Variants in SLCO1A2 observed in about 807,000 individuals in gnomAD.
The protein encoded by SLCO1A2 is solute carrier organic anion transporter family member 1A2.
Under a neutral mutation model 69.0 loss-of-function variants are expected in SLCO1A2, and 67 were observed. That is an observed-to-expected ratio of 0.97 (90% CI 0.80 to 1.19). SLCO1A2 has a LOEUF of 1.19. Ranked by LOEUF, SLCO1A2 falls within the 50% of genes most tolerant of loss-of-function variation. SLCO1A2 has a pLI of 0.00. For synonymous variants in SLCO1A2, 260 were observed against 265.9 expected (o/e 0.98, Z 0.22); for missense variants, 787 against 793.7 (o/e 0.99, Z 0.10).
At chr12:21,371,584 A>T (rs900164740) in intron 2 of SLCO1A2, among the ~76,000 whole-genome samples, 33 of 152,334 alleles carry the variant, frequency 2.2e-4, no homozygotes, top group African/African-American at 7.9e-4. Context: ...GTTTCTAGTT[A>T]GAGAACTTCA....
At chr12:21,407,215 C>G (rs1454388131) in intron 1 of SLCO1A2, among the ~76,000 whole-genome samples, 1 of 152,002 alleles carries the variant, frequency 6.6e-6, no homozygotes, top group Non-Finnish European at 1.5e-5. Context: ...GGAAAAAATA[C>G]GTGAATATCT....
chr12:21,411,863 T>G (rs925544627), intron 1 of SLCO1A2, among the ~76,000 whole-genome samples: 21 of 151,948 alleles, frequency 1.4e-4, no homozygotes, highest in African/African-American at 5.1e-4. Flanking sequence ...TTTTGCATTT[T>G]TTTGTAGAGA....
intron 2 of SLCO1A2, among the ~76,000 whole-genome samples, chr12:21,372,373 A>T (rs1166770289): frequency 2.6e-5 from 4 of 152,156 alleles, no homozygotes; most frequent in African/African-American, 9.7e-5. Flanking sequence ...CCTACCACAG[A>T]GTAGGTCTTC....
chr12:21,274,675 G>A, intron 13 of SLCO1A2, 89 bp from the exon 14 acceptor site: 3 of 913,328 alleles, frequency 3.3e-6, no homozygotes, highest in Non-Finnish European at 5.1e-6. Context: ...TATTTGTACG[G>A]CAAAGTTTAT....
upstream of SLCO1A2, among the ~76,000 whole-genome samples, chr12:21,335,679 AT>A (rs1456940827): frequency 6.6e-6 from 1 of 152,108 alleles, no homozygotes; most frequent in Non-Finnish European, 1.5e-5. Flanking sequence ...AATGGCACTA[AT>A]TTTTTAAAAA....
At position 21,371,061 on chromosome 12, in the gene SLCO1A2, T is replaced by C. The variant is rs193015051; in HGVS notation, c.-63+3338A>G. On this transcript the variant is annotated intron_variant, in intron 2 of 15. Transcript: ENST00000307378. ...AGAGAGTAGCAGCTTACGGCGGTTTTGCAGTCATATTTATACCCACTTTTA... is the reference window on the plus strand; with the variant it reads ...AGAGAGTAGCAGCTTACGGCGGTTTCGCAGTCATATTTATACCCACTTTTA... 2.6e-5 allele frequency among the ~76,000 whole-genome samples: 4 copies of C among 152,346 alleles called. No homozygotes were observed. In the East Asian group the frequency reaches 7.7e-4, roughly 29 times the overall value.
Position 21,269,600 on chromosome 12 carries a change from A to ATATC in SLCO1A2, c.1957_1960dup (p.Ile654ArgfsTer12), listed in dbSNP as rs779448412. ...TTTCAAAACCGTGGACTTTTGGTATATATCTTTGCACTCATTTTCCTTCCC... is the reference window on the plus strand; with the variant it reads ...TTTCAAAACCGTGGACTTTTGGTATATATCTATCTTTGCACTCATTTTCCTTCCC... On this transcript the variant is annotated frameshift_variant, in exon 15 of 15. Coordinates refer to ENST00000683939, the MANE Select transcript of SLCO1A2 (RefSeq NM_001386879.1). LOFTEE classifies it low-confidence loss of function (END_TRUNC). 4.3e-6 allele frequency: 7 copies of ATATC among 1,612,452 alleles called. No homozygotes were observed. Among genetic ancestry groups the ATATC allele is most frequent in the Non-Finnish European group, 5.9e-6 (7 of 1,178,928 alleles).
Position 21,334,841 on chromosome 12 carries a change from T to C in SLCO1A2, c.-77A>G. 1 of 479,546 alleles carries C rather than the reference T, an allele frequency of 2.1e-6. No individual in the cohort carries two copies. The highest frequency in any genetic ancestry group is 3.5e-5 in the East Asian group (1 of 28,788). The allele number at this position is 479,546 out of a possible 1,614,324, so 29.7% of individuals were successfully genotyped here. On this transcript the variant is annotated 5_prime_UTR_variant, in exon 1 of 15. Transcript: ENST00000683939. ...TACAAAAATACCTGGAACGCTTTAA[T>C]ACAGATTAGAAAATCATGGTGTTAG...
At chr12:21,270,524 CCT>C (rs1210228551) in intron 14 of SLCO1A2, among the ~76,000 whole-genome samples, 1 of 151,536 alleles carries the variant, frequency 6.6e-6, no homozygotes, top group Non-Finnish European at 1.5e-5. Flanking sequence ...CAAAATTTTC[CCT>C]TTTTCTGTTT....
intron 1 of SLCO1A2, among the ~76,000 whole-genome samples, chr12:21,412,334 T>C (rs1179603546): frequency 6.6e-6 from 1 of 151,628 alleles, no homozygotes; most frequent in Non-Finnish European, 1.5e-5. Context: ...TGAGCCGAGA[T>C]TGCACCACTA....
At chr12:21,322,702 GT>G (rs1565498480) in intron 2 of SLCO1A2, among the ~76,000 whole-genome samples, 1 of 152,108 alleles carries the variant, frequency 6.6e-6, no homozygotes, top group Non-Finnish European at 1.5e-5. Flanking sequence ...GTTCTGGTTG[GT>G]TTTTTCCTGA....
chr12:21,376,360 G>T, intron 1 of SLCO1A2: 1 of 354,790 alleles, frequency 2.8e-6, no homozygotes, highest in South Asian at 2.1e-5. Flanking sequence ...TGTTTTTCAA[G>T]AAAAGTAAGT....
chr12:21,308,032 G>A (rs1949648662), intron 4 of SLCO1A2, among the ~76,000 whole-genome samples: 1 of 152,160 alleles, frequency 6.6e-6, no homozygotes, highest in Admixed American at 6.5e-5. Flanking sequence ...AATGTATACA[G>A]TGGCTGAATA....
upstream of SLCO1A2, chr12:21,334,936 T>A (rs1393970823): frequency 3.6e-6 from 1 of 274,914 alleles, no homozygotes; most frequent in Non-Finnish European, 6.7e-6. Flanking sequence ...TTTAGTGAGA[T>A]TAAAGATATT....
intron 1 of SLCO1A2, among the ~76,000 whole-genome samples, chr12:21,375,207 T>G (rs1204143650): frequency 6.6e-6 from 1 of 152,202 alleles, no homozygotes; most frequent in African/African-American, 2.4e-5. Flanking sequence ...TGTTATAAAA[T>G]TATTTTGATG....
At chr12:21,323,894 C>T (rs1951955360) in intron 2 of SLCO1A2, among the ~76,000 whole-genome samples, 1 of 152,130 alleles carries the variant, frequency 6.6e-6, no homozygotes, top group Non-Finnish European at 1.5e-5. Context: ...CCCACCTCTT[C>T]CACAACAGTC....
chr12:21,393,121 T>C (rs889166218), intron 1 of SLCO1A2, among the ~76,000 whole-genome samples: 1 of 152,210 alleles, frequency 6.6e-6, no homozygotes, highest in Non-Finnish European at 1.5e-5. Context: ...TTAGGTTTTG[T>C]AGTTAATTTT....
upstream of SLCO1A2, among the ~76,000 whole-genome samples, chr12:21,338,876 T>C (rs1333266419): frequency 6.6e-6 from 1 of 151,956 alleles, no homozygotes; most frequent in African/African-American, 2.4e-5. Context: ...TTCCAACACA[T>C]TTATTTATGT....
intron 1 of SLCO1A2, among the ~76,000 whole-genome samples, chr12:21,406,799 A>T (rs1249734782): frequency 6.6e-6 from 1 of 152,206 alleles, no homozygotes; most frequent in African/African-American, 2.4e-5. Flanking sequence ...TAGCAAATAG[A>T]TGTGAAAGAG....
Sources: gnomAD v4.1 joint callset for allele counts (sites outside exome capture counted in the v4.1 genomes callset) on GRCh38, gnomAD v4.1.1 for gene constraint, MANE v1.5 for transcripts, NCBI Gene and HGNC (gene_info 2026-07-23, HGNC 2026-07-21) for gene names.